Variants in CACNA1H observed in about 807,000 individuals in gnomAD.
CACNA1H encodes the protein calcium voltage-gated channel subunit alpha1 H, also known as voltage-dependent T-type calcium channel subunit alpha-1H.
A neutral mutation model predicts 192.5 loss-of-function variants in CACNA1H; 149 were observed. The ratio of observed to expected loss-of-function variants is 0.77; its 90% CI spans 0.68 to 0.89. The LOEUF (loss-of-function observed/expected upper bound fraction) is 0.89, where lower values mean the gene tolerates loss of function less well. Among genes scored for constraint, CACNA1H ranks in the 40% least tolerant of loss-of-function variants. The probability of loss-of-function intolerance (pLI) is 0.00; values close to 1 mark genes in which losing one functional copy is unlikely to be tolerated. For synonymous variants in CACNA1H, 2,202 were observed against 1,475.2 expected (o/e 1.49, Z -11.29); for missense variants, 4,257 against 3,423.5 (o/e 1.24, Z -6.08).
intron 8 of CACNA1H, among the ~76,000 whole-genome samples, chr16:1,201,453 C>T (rs145945204): frequency 6.6e-6 from 1 of 152,250 alleles, no homozygotes; most frequent in East Asian, 1.9e-4. Context: ...GGTCTTTTGT[C>T]CAGATAGGCA....
intron 2 of CACNA1H, among the ~76,000 whole-genome samples, chr16:1,162,400 C>A (rs1032448333): frequency 1.3e-5 from 2 of 152,162 alleles, no homozygotes; most frequent in African/African-American, 4.8e-5. Context: ...AAAAATGGCC[C>A]ATGAGCAGGA....
rs78688357 is a variant in CACNA1H at position 1,194,341 on chromosome 16, G to A, written c.300-631G>A. 2.6e-3 allele frequency among the ~76,000 whole-genome samples: 395 copies of A among 152,298 alleles called. 2 individuals are homozygous for A. The highest frequency in any genetic ancestry group is 9.0e-3 in the African/African-American group (373 of 41,554). On this transcript the variant is annotated intron_variant, in intron 2 of 34. Transcript: ENST00000348261. ...AATGCCGGCTTCTACCTTAAGGAAG[G>A]TCCCTCCTGGGTCCACAGTCAGCTG...
intron 12 of CACNA1H, chr16:1,206,511 G>A (rs1255083306): frequency 1.8e-6 from 1 of 567,344 alleles, no homozygotes. Flanking sequence ...AGGGGTCAGA[G>A]ATGGGCCGCC....
chr16:1,207,834 A>G lies in CACNA1H; in HGVS notation c.3128A>G (p.His1043Arg), dbSNP rs1378499124. 14 of 1,599,326 alleles carry G rather than the reference A, an allele frequency of 8.8e-6. No homozygotes were observed. The highest frequency in any genetic ancestry group is 6.8e-5 in the East Asian group (3 of 43,992). The change falls in exon 15 of 35, where the codon CAC becomes CGC. Residue 1043 changes from histidine (H) to arginine (R), a missense_variant. His to Arg is a conservative substitution (Grantham distance 29, BLOSUM62 0). Transcript: ENST00000348261. ...KTSVHFEEDF[H>R]KLRELQTTEL... is the part of the protein sequence containing the mutation. ...TCGGTCCACTTCGAGGAGGACTTCC[A>G]CAAGCTCAGAGAACTCCAGACCACA...
chr16:1,202,333 C>T lies in CACNA1H; in HGVS notation c.1883C>T (p.Thr628Ile). ...PSGVGSGKGSTSPGPKGKWAG... is the reference protein window; with the variant it reads ...PSGVGSGKGSISPGPKGKWAG... The stretch of plus-strand genomic sequence containing the variant: ...GGGGTGGGCAGCGGCAAAGGCAGCA[C>T]CAGCCCCGGACCCAAGGGGAAGTGG... Residue 628 changes from threonine (T) to isoleucine (I), a missense_variant, in exon 9 of 35, where the codon ACC becomes ATC. Transcript: ENST00000348261. 2.5e-6 allele frequency: 4 copies of T among 1,577,616 alleles called. No individual in the cohort carries two copies. The highest frequency in any genetic ancestry group is 1.7e-4 in the Middle Eastern group (1 of 6,032).
At chr16:1,186,825 C>T (rs1327162293) in intron 2 of CACNA1H, among the ~76,000 whole-genome samples, 4 of 152,220 alleles carry the variant, frequency 2.6e-5, no homozygotes, top group Middle Eastern at 3.2e-3. Context: ...TTCTCAGGGC[C>T]GTGACCACCA....
intron 2 of CACNA1H, among the ~76,000 whole-genome samples, chr16:1,165,197 G>A (rs1390783317): frequency 6.6e-6 from 1 of 152,148 alleles, no homozygotes; most frequent in Admixed American, 6.5e-5. Context: ...GGGAGACGGG[G>A]GGAAGAGCAG....
intron 2 of CACNA1H, among the ~76,000 whole-genome samples, chr16:1,166,754 C>T (rs994733773): frequency 2.4e-4 from 37 of 152,274 alleles, no homozygotes; most frequent in Non-Finnish European, 3.5e-4. Context: ...CCATCCTCCC[C>T]GCAGAGCCCT....
At chr16:1,193,414 C>T (rs1447294399) in intron 2 of CACNA1H, among the ~76,000 whole-genome samples, 1 of 152,260 alleles carries the variant, frequency 6.6e-6, no homozygotes, top group Non-Finnish European at 1.5e-5. Flanking sequence ...CCCCCACCAC[C>T]TTGACCAAGG....
chr16:1,205,646 A>G (rs1252732178), intron 11 of CACNA1H, among the ~76,000 whole-genome samples: 1 of 152,240 alleles, frequency 6.6e-6, no homozygotes, highest in Non-Finnish European at 1.5e-5. Context: ...CATTTGCTAC[A>G]AGAAAATTAA....
intron 2 of CACNA1H, among the ~76,000 whole-genome samples, chr16:1,183,503 C>T (rs865932249): frequency 6.6e-6 from 1 of 152,222 alleles, no homozygotes; most frequent in Non-Finnish European, 1.5e-5. Context: ...CAGCGCATCC[C>T]CGGCAACCCT....
intron 2 of CACNA1H, among the ~76,000 whole-genome samples, chr16:1,169,882 C>G (rs1433520853): frequency 6.6e-6 from 1 of 152,266 alleles, no homozygotes; most frequent in Non-Finnish European, 1.5e-5. Context: ...CCGCCCAGCA[C>G]TGCAGTCACG....
At position 1,211,756 on chromosome 16, in the gene CACNA1H, G is replaced by A; in HGVS notation, c.4517G>A (p.Trp1506Ter). 6.2e-7 allele frequency: 1 copy of A among 1,612,746 alleles called. No homozygotes were observed. Among genetic ancestry groups the A allele is most frequent in the Non-Finnish European group, 8.5e-7 (1 of 1,179,744 alleles). ...SLFVLSSKDG[W>*]VNIMYDGLDA... ...TTCGTGCTGTCATCCAAGGATGGAT[G>A]GGTGAACATCATGTACGACGGGCTG... Residue 1506 changes from tryptophan (W) to a stop codon, truncating the protein, a stop_gained, in exon 24 of 35, where the codon TGG becomes TAG. Transcript: ENST00000348261. LOFTEE classifies it high-confidence loss of function.
rs554401715 is a variant in CACNA1H, at chr16:1,171,930, T to C, written c.299+17894T>C. On this transcript the variant is annotated intron_variant, in intron 2 of 34. Transcript: ENST00000348261. The stretch of plus-strand genomic sequence containing the variant: ...AGCAGTGTCCACGGGTGGGGGCATG[T>C]TCACAGGCCAGGCGGGCGCCAGGAC... Among the ~76,000 whole-genome samples the C allele has an allele frequency of 2.2e-4, 34 of 152,352 alleles. No individual in the cohort carries two copies. The South Asian group carries it at 6.8e-3, about 31-fold the overall frequency.
chr16:1,199,937 G>C (rs984883922), intron 6 of CACNA1H, among the ~76,000 whole-genome samples: 4 of 151,952 alleles, frequency 2.6e-5, no homozygotes, highest in Non-Finnish European at 5.9e-5. Flanking sequence ...TGTCTGTGCT[G>C]TTCTTTGTTG....
At chr16:1,153,587 G>T (rs1228331475) in intron 1 of CACNA1H, 117 bp downstream of exon 1, 1 of 438,282 alleles carries the variant, frequency 2.3e-6, no homozygotes, top group East Asian at 4.9e-5. Flanking sequence ...GGGCGGGGGC[G>T]GGGGGCGCGT....
At chr16:1,186,598 G>A (rs1362730992) in intron 2 of CACNA1H, among the ~76,000 whole-genome samples, 1 of 152,084 alleles carries the variant, frequency 6.6e-6, no homozygotes, top group Non-Finnish European at 1.5e-5. Flanking sequence ...CCCTCGAGAT[G>A]GCCTGCACTG....
chr16:1,198,044 C>T (rs1169971672), intron 5 of CACNA1H, among the ~76,000 whole-genome samples: 1 of 152,190 alleles, frequency 6.6e-6, no homozygotes, highest in Non-Finnish European at 1.5e-5. Flanking sequence ...TCTGTTCTGG[C>T]AGGATTCTCA....
intron 26 of CACNA1H, 100 bp from the exon 27 acceptor site, chr16:1,213,680 C>G (rs970477803): frequency 1.1e-6 from 1 of 890,680 alleles, no homozygotes; most frequent in Non-Finnish European, 1.6e-6. Context: ...CCCCCAACTT[C>G]TACCCTACAC....
Sources: gnomAD v4.1 joint callset for allele counts (sites outside exome capture counted in the v4.1 genomes callset) on GRCh38, gnomAD v4.1.1 for gene constraint, MANE v1.5 for transcripts, NCBI Gene and HGNC (gene_info 2026-07-23, HGNC 2026-07-21) for gene names.